Variants in RGS7 observed in about 807,000 individuals in gnomAD.
RGS7 encodes regulator of G-protein signaling 7.
In RGS7, 27 loss-of-function variants were observed where a neutral mutation model predicts 81.1. That is an observed-to-expected ratio of 0.33 (90% CI 0.25 to 0.46). The LOEUF is 0.46. Among genes scored for constraint, RGS7 ranks in the 20% least tolerant of loss-of-function variants. The pLI, the probability that RGS7 is intolerant of heterozygous loss-of-function variation, is 1.00. For synonymous variants in RGS7, 208 were observed against 207.7 expected (o/e 1.00, Z -0.01); for missense variants, 396 against 607.4 (o/e 0.65, Z 3.66).
At chr1:241,304,977 T>C (rs2080000156) in intron 2 of RGS7, among the ~76,000 whole-genome samples, 1 of 152,338 alleles carries the variant, frequency 6.6e-6, no homozygotes, top group Non-Finnish European at 1.5e-5. Flanking sequence ...AAAAAGCTGT[T>C]GTATTATTTA....
chr1:240,780,869 G>A (rs182362181), intron 18 of RGS7, among the ~76,000 whole-genome samples: 87 of 142,034 alleles, frequency 6.1e-4, no homozygotes, highest in South Asian at 1.3e-3. Context: ...AGTCGAGATC[G>A]CACCACTGCA....
chr1:240,958,657 C>A (rs553987528), intron 4 of RGS7, among the ~76,000 whole-genome samples: 1 of 152,208 alleles, frequency 6.6e-6, no homozygotes. Flanking sequence ...TATACGAGTT[C>A]TTCCAGTCAA....
chr1:241,351,433 A>AC (rs1173223982), intron 2 of RGS7, among the ~76,000 whole-genome samples: 2 of 151,198 alleles, frequency 1.3e-5, no homozygotes, highest in Non-Finnish European at 3.0e-5. Context: ...TAAAAAAAAA[A>AC]AAAATAGAAT....
At position 241,220,048 on chromosome 1, in the gene RGS7, G is replaced by A. The variant is rs1023376300; in HGVS notation, c.79-121286C>T. On this transcript the variant is annotated intron_variant, in intron 2 of 18. Transcript: ENST00000440928. Reference sequence around the variant, plus strand: ...TAATCTCTAACCTAATTTGTAAATAGGAAGTAAATTTCTACTTCAGAGCTT... The same window carrying A: ...TAATCTCTAACCTAATTTGTAAATAAGAAGTAAATTTCTACTTCAGAGCTT... 4.2e-4 allele frequency among the ~76,000 whole-genome samples: 64 copies of A among 152,074 alleles called. 1 individual carries two copies. The highest frequency in any genetic ancestry group is 1.5e-3 in the African/African-American group (63 of 41,392).
At chr1:241,078,236 T>C (rs1330939994) in intron 3 of RGS7, among the ~76,000 whole-genome samples, 2 of 148,868 alleles carry the variant, frequency 1.3e-5, no homozygotes, top group Non-Finnish European at 1.5e-5. Flanking sequence ...CATGGAAATA[T>C]AGATAATATA....
intron 3 of RGS7, among the ~76,000 whole-genome samples, chr1:241,010,004 GA>G (rs1460272515): frequency 2.0e-5 from 3 of 152,180 alleles, no homozygotes; most frequent in East Asian, 1.9e-4. Flanking sequence ...TGGACACAGG[GA>G]GGGGAACATC....
intron 2 of RGS7, among the ~76,000 whole-genome samples, chr1:241,138,367 G>C (rs1036801650): frequency 4.6e-5 from 7 of 152,130 alleles, no homozygotes; most frequent in Non-Finnish European, 1.0e-4. Context: ...ATGCAGGAAA[G>C]AGAGGAGAGG....
At chr1:240,807,920 A>G (rs1239067815) in intron 14 of RGS7, among the ~76,000 whole-genome samples, 2 of 151,856 alleles carry the variant, frequency 1.3e-5, no homozygotes, top group Non-Finnish European at 2.9e-5. Flanking sequence ...CCATAATCCC[A>G]GCTACTCGGG....
chr1:240,887,907 T>G (rs1667651454), intron 6 of RGS7, among the ~76,000 whole-genome samples: 1 of 152,218 alleles, frequency 6.6e-6, no homozygotes, highest in African/African-American at 2.4e-5. Context: ...ATTAATCAGC[T>G]GATCACTATT....
chr1:241,000,440 T>A (rs972640262), intron 3 of RGS7, among the ~76,000 whole-genome samples: 1 of 152,174 alleles, frequency 6.6e-6, no homozygotes, highest in Non-Finnish European at 1.5e-5. Context: ...GTATTAATTA[T>A]CCCTTAATAG....
intron 9 of RGS7, among the ~76,000 whole-genome samples, chr1:240,840,731 T>A (rs1284159279): frequency 6.6e-6 from 1 of 152,212 alleles, no homozygotes; most frequent in Non-Finnish European, 1.5e-5. Context: ...CACTTGTTTG[T>A]TTTCTCTGTC....
intron 6 of RGS7, among the ~76,000 whole-genome samples, chr1:240,898,223 C>CA (rs1193197023): frequency 6.6e-6 from 1 of 151,980 alleles, no homozygotes; most frequent in Non-Finnish European, 1.5e-5. Context: ...TTGATCTTTT[C>CA]AAAAAACCAG....
intron 2 of RGS7, among the ~76,000 whole-genome samples, chr1:241,293,889 C>T (rs1007920322): frequency 6.6e-6 from 1 of 152,148 alleles, no homozygotes. Flanking sequence ...GTGGCGATTC[C>T]TCAAGGATCT....
intron 9 of RGS7, among the ~76,000 whole-genome samples, chr1:240,859,440 G>GTTTTTTTTTTTTTTTTTTTTTTTTTTCTT (rs5782167): frequency 8.1e-5 from 9 of 110,822 alleles, no homozygotes; most frequent in Non-Finnish European, 1.5e-4. Context: ...TTTCTTTCCT[G>GTTTTTTTTTTTTTTTTTTTTTTTTTTCTT]TTTTTTTTTT....
At chr1:240,875,754 T>G (rs1665296859) in intron 6 of RGS7, among the ~76,000 whole-genome samples, 1 of 152,236 alleles carries the variant, frequency 6.6e-6, no homozygotes, top group Admixed American at 6.5e-5. Context: ...AATATCTCAC[T>G]GTGGTTCTGA....
intron 1 of RGS7, among the ~76,000 whole-genome samples, chr1:241,356,472 T>A (rs1263533153): frequency 6.6e-6 from 1 of 152,200 alleles, no homozygotes; most frequent in Non-Finnish European, 1.5e-5. Flanking sequence ...TAATCCTGCC[T>A]AATTTTTGCA....
chr1:241,166,166 T>C (rs957013071), intron 2 of RGS7, among the ~76,000 whole-genome samples: 2 of 152,194 alleles, frequency 1.3e-5, no homozygotes, highest in South Asian at 4.1e-4. Flanking sequence ...AAGCATCTCT[T>C]AATAGATGAC....
In RGS7 at chr1:241,094,589, G is replaced by A. The variant is rs80119276; in HGVS notation, c.175+4077C>T. ...TTGGGACTATGGAAACCAGGAGGTT[G>A]AAATCAACAACTCTAAAACCAAAAC... On this transcript the variant is annotated intron_variant, in intron 3 of 18. Transcript: ENST00000440928. 4.2e-3 allele frequency among the ~76,000 whole-genome samples: 621 copies of A among 148,492 alleles called. 3 individuals are homozygous for A. Among genetic ancestry groups the A allele is most frequent in the African/African-American group, 0.015 (582 of 38,986 alleles).
chr1:241,043,890 T>C (rs1287434118), intron 3 of RGS7, among the ~76,000 whole-genome samples: 1 of 151,730 alleles, frequency 6.6e-6, no homozygotes, highest in Non-Finnish European at 1.5e-5. Flanking sequence ...CCACGGATAT[T>C]GGTATCGACC....
Sources: gnomAD v4.1 joint callset for allele counts (sites outside exome capture counted in the v4.1 genomes callset) on GRCh38, gnomAD v4.1.1 for gene constraint, MANE v1.5 for transcripts, NCBI Gene and HGNC (gene_info 2026-07-23, HGNC 2026-07-21) for gene names.